Variants in GALNT17 observed in about 807,000 individuals in gnomAD.
GALNT17 encodes polypeptide N-acetylgalactosaminyltransferase 17, also known as UDP-GalNAc:polypeptide N-acetylgalactosaminyltransferase-like 3.
A neutral mutation model predicts 63.7 loss-of-function variants in GALNT17; 29 were observed. The observed-to-expected ratio is 0.46, with a 90% CI of 0.34 to 0.62. The LOEUF is 0.62. GALNT17 is among the 20% of genes least tolerant of loss of function. The pLI is 0.01. For synonymous variants in GALNT17, 305 were observed against 318.3 expected (o/e 0.96, Z 0.45); for missense variants, 603 against 799.6 (o/e 0.75, Z 2.97).
At chr7:71,588,175 TA>T (rs1789746444) in intron 6 of GALNT17, among the ~76,000 whole-genome samples, 1 of 152,228 alleles carries the variant, frequency 6.6e-6, no homozygotes, top group African/African-American at 2.4e-5. Context: ...GGTAAATCAT[TA>T]TTTCATACTA....
At chr7:71,433,124 A>G (rs922210041) in intron 5 of GALNT17, among the ~76,000 whole-genome samples, 1 of 152,174 alleles carries the variant, frequency 6.6e-6, no homozygotes, top group African/African-American at 2.4e-5. Flanking sequence ...TTCTTTAAAA[A>G]TATAAAGTAA....
chr7:71,693,305 C>CATATATATATATATATATATAT (rs1375479092), intron 9 of GALNT17, among the ~76,000 whole-genome samples: 1 of 126,074 alleles, frequency 7.9e-6, no homozygotes, highest in East Asian at 4.9e-4. Context: ...CACACACACA[C>CATATATATATATATATATATAT]ACACATATAT....
At chr7:71,469,046 A>G (rs897522287) in intron 5 of GALNT17, among the ~76,000 whole-genome samples, 1 of 152,080 alleles carries the variant, frequency 6.6e-6, no homozygotes, top group Non-Finnish European at 1.5e-5. Flanking sequence ...GGTAGAGAGC[A>G]CGGTGTTGGG....
At chr7:71,482,081 A>ATGTGTGTGTGTGTGTGTG (rs10678512) in intron 5 of GALNT17, among the ~76,000 whole-genome samples, 2,973 of 138,096 alleles carry the variant, frequency 0.022, 59 homozygotes, top group East Asian at 0.1. Context: ...ATATATGTAT[A>ATGTGTGTGTGTGTGTGTG]TGTGTGTGTG....
intron 1 of GALNT17, among the ~76,000 whole-genome samples, chr7:71,328,707 A>G (rs1791748064): frequency 6.6e-6 from 1 of 151,608 alleles, no homozygotes; most frequent in Admixed American, 6.6e-5. Flanking sequence ...GTGGGGGTGA[A>G]AATGGAAGCA....
At chr7:71,141,249 C>T (rs1787884278) in intron 1 of GALNT17, among the ~76,000 whole-genome samples, 1 of 152,066 alleles carries the variant, frequency 6.6e-6, no homozygotes, top group African/African-American at 2.4e-5. Context: ...CGCCTGTAAT[C>T]CCAGCTACTC....
At chr7:71,227,374 A>G (rs1400995547) in intron 1 of GALNT17, among the ~76,000 whole-genome samples, 2 of 123,080 alleles carry the variant, frequency 1.6e-5, no homozygotes, top group South Asian at 2.5e-4. Flanking sequence ...TAAAAAATGG[A>G]AAAAAAAAAA....
chr7:71,496,901 A>G (rs1231483851), intron 5 of GALNT17, among the ~76,000 whole-genome samples: 1 of 150,318 alleles, frequency 6.7e-6, no homozygotes, highest in African/African-American at 2.5e-5. Flanking sequence ...TAGCGAGACC[A>G]TGTCTATACA....
At chr7:71,284,190 G>A (rs1790829952) in intron 1 of GALNT17, 2 of 160,064 alleles carry the variant, frequency 1.2e-5, no homozygotes, top group African/African-American at 2.4e-5. Context: ...CTGAAAGTCC[G>A]TGGCTTCATT....
intron 2 of GALNT17, among the ~76,000 whole-genome samples, chr7:71,366,702 A>G (rs998255936): frequency 6.6e-6 from 1 of 152,174 alleles, no homozygotes; most frequent in African/African-American, 2.4e-5. Context: ...ATGCATGAAT[A>G]TGTTAGACAT....
chr7:71,665,695 C>A, intron 7 of GALNT17, 99 bp downstream of exon 7: 1 of 1,389,834 alleles, frequency 7.2e-7, no homozygotes, highest in Non-Finnish European at 9.7e-7. Flanking sequence ...CCAGAAAATG[C>A]TCATGCTTAG....
At chr7:71,252,054 T>C (rs1461999089) in intron 1 of GALNT17, among the ~76,000 whole-genome samples, 4 of 152,016 alleles carry the variant, frequency 2.6e-5, no homozygotes, top group African/African-American at 7.2e-5. Flanking sequence ...AGGGAGCAAA[T>C]TGTCCTTCCG....
chr7:71,473,814 A>C (rs1030643824), intron 5 of GALNT17, among the ~76,000 whole-genome samples: 2 of 152,174 alleles, frequency 1.3e-5, no homozygotes, highest in Admixed American at 6.6e-5. Flanking sequence ...GACAAATATC[A>C]GTGCTTATTG....
In GALNT17 at chr7:71,508,906, G is replaced by A. The variant is rs77952977; in HGVS notation, c.963-62379G>A. ...GAAGGTACCCTGGACACGTTCTTGTGCGTGCGCTCGTGTGCATGTGTCTGT... is the reference window on the plus strand; with the variant it reads ...GAAGGTACCCTGGACACGTTCTTGTACGTGCGCTCGTGTGCATGTGTCTGT... On this transcript the variant is annotated intron_variant, in intron 5 of 10. Coordinates refer to ENST00000333538, the MANE Select transcript of GALNT17 (RefSeq NM_022479.3). Among the ~76,000 whole-genome samples, 227 of 152,214 alleles carry A rather than the reference G, an allele frequency of 1.5e-3. 1 individual carries two copies. Among genetic ancestry groups the A allele is most frequent in the African/African-American group, 5.0e-3 (206 of 41,530 alleles).
rs201938540 is a variant in GALNT17, at chr7:71,712,172, C to T, written c.*26C>T. The stretch of plus-strand genomic sequence containing the variant: ...AGGGAGGGAGCTGGGGCACTGGAGC[C>T]TGGCCCCCAGGACATGGCTGCTCCC... On this transcript the variant is annotated 3_prime_UTR_variant, in exon 11 of 11. Transcript: ENST00000333538. 78 of 1,605,914 alleles carry T rather than the reference C, an allele frequency of 4.9e-5. No homozygotes were observed. In the African/African-American group the frequency reaches 9.5e-4, roughly 20 times the overall value.
At chr7:71,138,166 G>T (rs2116153986) in intron 1 of GALNT17, among the ~76,000 whole-genome samples, 1 of 152,238 alleles carries the variant, frequency 6.6e-6, no homozygotes, top group Middle Eastern at 3.4e-3. Context: ...GGGCAACACA[G>T]CAAGACCTCA....
chr7:71,473,873 C>A (rs1029847722), intron 5 of GALNT17, among the ~76,000 whole-genome samples: 2 of 152,108 alleles, frequency 1.3e-5, no homozygotes, highest in African/African-American at 4.8e-5. Flanking sequence ...GTTCTTGGAT[C>A]TCACAAAAGA....
At chr7:71,616,669 T>A (rs1361290024) in intron 6 of GALNT17, among the ~76,000 whole-genome samples, 1 of 134,978 alleles carries the variant, frequency 7.4e-6, no homozygotes, top group South Asian at 2.3e-4. Flanking sequence ...AATCATAACA[T>A]GTAATATAAT....
At chr7:71,598,657 T>C (rs1250905738) in intron 6 of GALNT17, among the ~76,000 whole-genome samples, 1 of 152,118 alleles carries the variant, frequency 6.6e-6, no homozygotes, top group Non-Finnish European at 1.5e-5. Flanking sequence ...GGACTTGAGA[T>C]GAAAAGAATC....
Sources: allele counts gnomAD v4.1 joint callset (sites outside exome capture counted in the v4.1 genomes callset), GRCh38; gene constraint gnomAD v4.1.1; transcripts MANE v1.5; gene names NCBI Gene and HGNC (gene_info 2026-07-23, HGNC 2026-07-21).